BMP1: variants seen among roughly 807,000 people sequenced by gnomAD.
BMP1 encodes the protein mammalian tolloid protein.
BMP1 carries 63 observed loss-of-function variants against 116.8 expected under a neutral mutation model. The ratio of observed to expected loss-of-function variants is 0.54; its 90% CI spans 0.44 to 0.67. BMP1 has a LOEUF of 0.67. Ranked by LOEUF, BMP1 falls within the 30% of genes least tolerant of loss-of-function variation. The probability of loss-of-function intolerance (pLI) is 0.00; values close to 1 mark genes in which losing one functional copy is unlikely to be tolerated. For missense variants in BMP1, 1,183 were observed against 1,358.9 expected (o/e 0.87, Z 2.04); for synonymous variants, 536 against 533.4 (o/e 1.00, Z -0.07).
At position 22,177,862 on chromosome 8, in the gene BMP1, TA is replaced by T; in HGVS notation, c.743del (p.Asn248ThrfsTer3). 3.7e-6 allele frequency: 6 copies of T among 1,611,934 alleles called. No homozygotes were observed. The highest frequency in any genetic ancestry group is 5.1e-6 in the Non-Finnish European group (6 of 1,178,390). On this transcript the variant is annotated frameshift_variant, in exon 6 of 20. Coordinates refer to ENST00000306385, the MANE Select transcript of BMP1 (RefSeq NM_006129.5). LOFTEE classifies it high-confidence loss of function. ...RENIQPGQEY[N>X]FLKMEPQEVE... is the part of the protein sequence containing the mutation. ...TCCTGATCTTGGCAGGGCAGGAGTATAACTTCCTGAAGATGGAGCCTCAGGA... is the reference window on the plus strand; with the variant it reads ...TCCTGATCTTGGCAGGGCAGGAGTATACTTCCTGAAGATGGAGCCTCAGGA...
rs147096414 is a variant in BMP1 at position 22,171,925 on chromosome 8, T to G, written c.149-1677T>G. Among the ~76,000 whole-genome samples, 957 of 152,370 alleles carry G rather than the reference T, an allele frequency of 6.3e-3. 4 individuals are homozygous for G. The highest frequency in any genetic ancestry group is 8.3e-3 in the Non-Finnish European group (562 of 68,032). On this transcript the variant is annotated intron_variant, in intron 1 of 19. Transcript: ENST00000306385. ...GAGTGCCTCCCGCCTGAAAGTGCAG[T>G]GCTGGCTGCTGCTTTCATGCGCAAG...
At chr8:22,202,457 A>G (rs1829284583) in intron 16 of BMP1, among the ~76,000 whole-genome samples, 1 of 152,210 alleles carries the variant, frequency 6.6e-6, no homozygotes, top group South Asian at 2.1e-4. Context: ...CGCAAGCACA[A>G]TGGCATCTGT....
intron 15 of BMP1, among the ~76,000 whole-genome samples, chr8:22,200,324 C>T (rs73551725): frequency 0.014 from 2,175 of 152,294 alleles, 54 homozygotes; most frequent in African/African-American, 0.05. Flanking sequence ...TCTGCCTTTA[C>T]GCGTGACTTT....
intron 15 of BMP1, among the ~76,000 whole-genome samples, chr8:22,200,511 G>A (rs763026671): frequency 3.3e-5 from 5 of 152,162 alleles, no homozygotes; most frequent in South Asian, 2.1e-4. Flanking sequence ...GTGAGGATGC[G>A]TATGTGGTTG....
chr8:22,207,164 C>A (rs1829377274), intron 17 of BMP1, 139 bp from the exon 18 acceptor site: 3 of 1,370,142 alleles, frequency 2.2e-6, no homozygotes, highest in Non-Finnish European at 3.0e-6. Flanking sequence ...TCGCCCTATT[C>A]CTGGGCCCTC....
rs1188687365 is a variant in BMP1 at position 22,206,990 on chromosome 8, T to C, written c.2361+9T>C. On this transcript the variant is annotated intron_variant, in intron 17 of 19. Transcript: ENST00000306385. ...GGCACCGGGTCAAGCTGGTAAGGGG[T>C]CCCCTCCCCACTCCTTATGCGGTGT... 1.9e-6 allele frequency: 3 copies of C among 1,613,708 alleles called. No individual in the cohort carries two copies. The highest frequency in any genetic ancestry group is 2.5e-6 in the Non-Finnish European group (3 of 1,179,848).
At position 22,176,292 on chromosome 8, in the gene BMP1, G is replaced by A; in HGVS notation, c.412G>A (p.Val138Ile). The A allele has an allele frequency of 6.2e-7, 1 of 1,602,698 alleles. No homozygotes were observed. Among genetic ancestry groups the A allele is most frequent in the Non-Finnish European group, 8.5e-7 (1 of 1,173,296 alleles). The change falls in exon 3 of 20, where the codon GTC (valine) becomes ATC (isoleucine). Residue 138 changes from valine to isoleucine, a missense_variant. Val to Ile is a conservative substitution (Grantham distance 29, BLOSUM62 3). Transcript: ENST00000306385. The stretch of plus-strand genomic sequence containing the variant: ...GTGGCCCGATGGGGTCATCCCCTTT[G>A]TCATTGGGGGAAACTTCACTGGTGA... ...RVWPDGVIPF[V>I]IGGNFTGSQR...
At chr8:22,201,007 C>CCCCCCCCAA in intron 15 of BMP1, 1 of 489,684 alleles carries the variant, frequency 2.0e-6, no homozygotes. Flanking sequence ...CACCCTGCCC[C>CCCCCCCCAA]TCAGATCCAC....
intron 8 of BMP1, among the ~76,000 whole-genome samples, chr8:22,190,419 C>T (rs1022704281): frequency 1.3e-5 from 2 of 152,116 alleles, no homozygotes; most frequent in South Asian, 2.1e-4. Context: ...TGGCATTGCC[C>T]TGGGTGCAGT....
chr8:22,189,110 C>G (rs73670374), intron 8 of BMP1, among the ~76,000 whole-genome samples: 2,641 of 152,252 alleles, frequency 0.017, 83 homozygotes, highest in African/African-American at 0.061. Flanking sequence ...TGAAATTTCT[C>G]CCCTTGACCC....
chr8:22,173,459 CCTT>C (rs1485763313), intron 1 of BMP1, 140 bp from the exon 2 acceptor site: 2 of 565,162 alleles, frequency 3.5e-6, no homozygotes, highest in Admixed American at 3.3e-5. Context: ...CTGCCCTTCT[CCTT>C]CTCGTTCAGA....
rs755088556 is a variant in BMP1 at position 22,197,790 on chromosome 8, C to T, written c.2107+370C>T. Reference sequence around the variant, plus strand: ...AGAACGTGGGTGGATGGAGGAGAGACAGGTGTTTGCCTTGGACTGTGTGGA... The same window carrying T: ...AGAACGTGGGTGGATGGAGGAGAGATAGGTGTTTGCCTTGGACTGTGTGGA... On this transcript the variant is annotated intron_variant, in intron 15 of 19. Transcript: ENST00000306385. 1.9e-4 allele frequency among the ~76,000 whole-genome samples: 29 copies of T among 152,204 alleles called. 1 individual carries two copies. Among genetic ancestry groups the T allele is most frequent in the Middle Eastern group, 3.2e-3 (1 of 316 alleles).
rs1829125382 is a variant in BMP1, at chr8:22,197,418, C to T, written c.2105C>T (p.Ser702Leu). The change falls in exon 15 of 20, where the codon TCA (serine) becomes TTA (leucine). Residue 702 changes from serine (S) to leucine (L), a missense_variant and splice_region_variant. By Grantham distance (145) the Ser-to-Leu change is moderately radical. Around this residue, in one of 4 missense-constraint regions of BMP1, gnomAD observed 956 missense variants for 1,135.2 expected, o/e 0.84. Coordinates refer to ENST00000306385, the MANE Select transcript of BMP1 (RefSeq NM_006129.5). Reference protein sequence around the residue: ...SKKGFKAHFFSDKDECSKDNG... With the variant: ...SKKGFKAHFFLDKDECSKDNG... ...AAGGGCTTCAAGGCCCACTTCTTCT[C>T]AGGTATCCCTGGACTGCCCAGCTCC... 6.2e-7 allele frequency: 1 copy of T among 1,608,210 alleles called. No individual in the cohort carries two copies.
At chr8:22,171,298 A>G (rs986659604) in intron 1 of BMP1, 1 of 152,208 alleles carries the variant, frequency 6.6e-6, no homozygotes, top group African/African-American at 2.4e-5. Context: ...AAACCTAGCC[A>G]CTTAGGTTAT....
chr8:22,168,169 C>T (rs1828171639), intron 1 of BMP1, among the ~76,000 whole-genome samples: 2 of 152,092 alleles, frequency 1.3e-5, no homozygotes, highest in South Asian at 4.1e-4. Flanking sequence ...TGGAGAGGTT[C>T]CTGGACCTTC....
chr8:22,209,270 T>G (rs1829418137), intron 18 of BMP1, among the ~76,000 whole-genome samples, 175 bp from the exon 19 acceptor site: 1 of 151,982 alleles, frequency 6.6e-6, no homozygotes, highest in South Asian at 2.1e-4. Flanking sequence ...GTCCCTCTAT[T>G]TAGAGATGGG....
chr8:22,209,448 G>A lies in BMP1; in HGVS notation c.2579G>A (p.Cys860Tyr). Residue 860 changes from cysteine (C) to tyrosine (Y), a missense_variant, in exon 19 of 20, where the codon TGC becomes TAC. Coordinates refer to ENST00000306385, the MANE Select transcript of BMP1 (RefSeq NM_006129.5). Reference protein sequence around the residue: ...KGFQASHATECGGQVRADVKT... With the variant: ...KGFQASHATEYGGQVRADVKT... ...TGGCCCCTCTTGTCCCCTACAGAGT[G>A]CGGGGGCCAGGTACGGGCAGACGTG... 4 of 1,614,136 alleles carry A rather than the reference G, an allele frequency of 2.5e-6. No individual in the cohort carries two copies. The highest frequency in any genetic ancestry group is 2.5e-6 in the Non-Finnish European group (3 of 1,179,994).
At chr8:22,178,244 A>G (rs1828511144) in intron 6 of BMP1, among the ~76,000 whole-genome samples, 1 of 152,174 alleles carries the variant, frequency 6.6e-6, no homozygotes, top group South Asian at 2.1e-4. Flanking sequence ...GTAGCCCCAA[A>G]CTATCAGCCC....
intron 1 of BMP1, among the ~76,000 whole-genome samples, chr8:22,168,020 T>C (rs1828165764): frequency 6.6e-6 from 1 of 152,210 alleles, no homozygotes; most frequent in East Asian, 1.9e-4. Context: ...GGGCTGGAAC[T>C]GAAAGCTCCT....
Sources: gnomAD v4.1 joint callset for allele counts (sites outside exome capture counted in the v4.1 genomes callset) on GRCh38, gnomAD v4.1.1 for gene constraint, gnomAD v4.1.1 regional missense constraint, MANE v1.5 for transcripts, NCBI Gene and HGNC (gene_info 2026-07-23, HGNC 2026-07-21) for gene names.